The following C2CD2 variants were observed in gnomAD, a reference collection of about 807,000 sequenced individuals.
C2CD2 encodes C2 domain-containing protein 2.
A neutral mutation model predicts 74.3 loss-of-function variants in C2CD2; 43 were observed. The observed-to-expected ratio is 0.58, with a 90% CI of 0.45 to 0.75. The LOEUF (loss-of-function observed/expected upper bound fraction) is 0.75. Ranked by LOEUF, C2CD2 falls within the 30% of genes least tolerant of loss-of-function variation. C2CD2 has a pLI of 0.00. For missense variants in C2CD2, 801 were observed against 916.3 expected (o/e 0.87, Z 1.63); for synonymous variants, 422 against 390.7 (o/e 1.08, Z -0.94).
chr21:41,930,847 G>A (rs2065255883), intron 2 of C2CD2, among the ~76,000 whole-genome samples: 1 of 150,204 alleles, frequency 6.7e-6, no homozygotes, highest in East Asian at 1.9e-4. Flanking sequence ...TCTTTTTACT[G>A]ATGTGTGGAC....
At position 41,924,857 on chromosome 21, in the gene C2CD2, G is replaced by C. The variant is rs1601588148; in HGVS notation, c.379-2772C>G. Among the ~76,000 whole-genome samples, 1 of 152,228 alleles carries C rather than the reference G, an allele frequency of 6.6e-6. No individual in the cohort carries two copies. The highest frequency in any genetic ancestry group is 2.1e-4 in the South Asian group (1 of 4,816). ...AGAATTTCATTTTCTTTCGTATCCA[G>C]TTCTGCAGAAAGCTTCCCACCACGC... is the stretch of plus-strand genomic sequence containing the variant. On this transcript the variant is annotated intron_variant, in intron 2 of 13. Transcript: ENST00000380486. This position sits in a 1 kb window ranked among gnomAD's most constrained non-coding sequence, Gnocchi z 4.4.
intron 11 of C2CD2, among the ~76,000 whole-genome samples, chr21:41,905,454 AT>A (rs1480308911): frequency 3.3e-5 from 5 of 151,702 alleles, no homozygotes; most frequent in Non-Finnish European, 7.4e-5. Context: ...AGTAGCTGGG[AT>A]TACTGGCATG....
chr21:41,951,770 C>T (rs1278008971), intron 1 of C2CD2, among the ~76,000 whole-genome samples: 1 of 152,208 alleles, frequency 6.6e-6, no homozygotes, highest in African/African-American at 2.4e-5. Flanking sequence ...ATGGAAGGAT[C>T]ATATCCAAGA....
intron 1 of C2CD2, among the ~76,000 whole-genome samples, chr21:41,951,503 A>T (rs1281333922): frequency 3.3e-5 from 5 of 152,204 alleles, no homozygotes. Flanking sequence ...GCAGGAGGTC[A>T]GGAGAGACAG....
intron 1 of C2CD2, 93 bp downstream of exon 1, chr21:41,953,277 C>T: frequency 2.5e-6 from 2 of 816,134 alleles, no homozygotes; most frequent in Non-Finnish European, 3.5e-6. Flanking sequence ...TAGCCTGGGT[C>T]AGGGGCTGCA....
At position 41,893,752 on chromosome 21, in the gene C2CD2, A is replaced by C. The variant is rs1274319540; in HGVS notation, c.1871-4408T>G. Among the ~76,000 whole-genome samples, 19 of 131,092 alleles carry C rather than the reference A, an allele frequency of 1.4e-4. No homozygotes were observed. In the South Asian group the frequency reaches 4.2e-3, roughly 29 times the overall value. The allele number at this position is 131,092 out of a possible 152,430, so 86.0% of individuals were successfully genotyped here. ...AGTCTCGCTCTGTCGCCCAGGCTGG[A>C]GTGCAGTGGTGCTATCTCAGCTCAC... On this transcript the variant is annotated intron_variant, in intron 13 of 13. Coordinates refer to ENST00000380486, the MANE Select transcript of C2CD2 (RefSeq NM_015500.2).
rs1259424036 is a variant in C2CD2 at position 41,953,771 on chromosome 21, CGGAGCCCGGCGA to C, written c.-135_-124del. 38 of 943,396 alleles carry C rather than the reference CGGAGCCCGGCGA, an allele frequency of 4.0e-5. No homozygotes were observed. The East Asian group carries it at 1.3e-3, about 33-fold the overall frequency. 58.4% of individuals were successfully genotyped at this position (943,396 alleles called of 1,614,324 possible). A position where few individuals can be genotyped will look rare whatever the true frequency, so the allele number is the denominator to read the frequency against. ...GGGCGTGGAGGGGGCGCGGCGGGGT[CGGAGCCCGGCGA>C]GGAGCGTGGCCGGGGGCCTCTGGGC... On this transcript the variant is annotated 5_prime_UTR_variant, in exon 1 of 14. Transcript: ENST00000380486.
At chr21:41,921,592 C>T (rs879035602) in intron 3 of C2CD2, among the ~76,000 whole-genome samples, 67 of 152,196 alleles carry the variant, frequency 4.4e-4, no homozygotes, top group African/African-American at 1.6e-3. Context: ...GAATGCCCCA[C>T]GGCAGCCACT....
At chr21:41,927,499 C>G (rs1053468679) in intron 2 of C2CD2, among the ~76,000 whole-genome samples, 1 of 152,074 alleles carries the variant, frequency 6.6e-6, no homozygotes, top group African/African-American at 2.4e-5. Flanking sequence ...GAGACAGAGT[C>G]TCACTCTGTT....
intron 11 of C2CD2, 103 bp from the exon 12 acceptor site, chr21:41,901,852 T>C: frequency 9.2e-7 from 1 of 1,085,476 alleles, no homozygotes; most frequent in East Asian, 2.5e-5. Context: ...GGTTAGCAGA[T>C]ATTTTCTAAA....
Position 41,926,684 on chromosome 21 carries a change from G to T in C2CD2, c.379-4599C>A. 1 of 951,856 alleles carries T rather than the reference G, an allele frequency of 1.1e-6. No individual in the cohort carries two copies. The highest frequency in any genetic ancestry group is 1.3e-6 in the Non-Finnish European group (1 of 799,406). The allele number at this position is 951,856 out of a possible 1,614,324, so 59.0% of individuals were successfully genotyped here. Reference sequence around the variant, plus strand: ...ACTGTTCACCAACAAGAGAGCCCCTGAGTCTTCAGATCTCACTGTGCCCTT... The same window carrying T: ...ACTGTTCACCAACAAGAGAGCCCCTTAGTCTTCAGATCTCACTGTGCCCTT... On this transcript the variant is annotated intron_variant, in intron 2 of 13. Coordinates refer to ENST00000380486, the MANE Select transcript of C2CD2 (RefSeq NM_015500.2). The surrounding 1 kb of genome is among the most constrained non-coding windows in gnomAD (Gnocchi z 8.0).
chr21:41,888,827 T>C lies in C2CD2; in HGVS notation c.*297A>G, dbSNP rs376773156. 21 of 452,522 alleles carry C rather than the reference T, an allele frequency of 4.6e-5. 1 individual carries two copies. Among genetic ancestry groups the C allele is most frequent in the South Asian group, 2.5e-4 (10 of 39,838 alleles). 28.0% of individuals were successfully genotyped at this position (452,522 alleles called of 1,614,324 possible). ...TTAGAGCATATTATTTCACTTATAA[T>C]GTTAATCTCCTTCTAATATTGAACC... On this transcript the variant is annotated 3_prime_UTR_variant, in exon 14 of 14. Transcript: ENST00000380486.
chr21:41,946,900 G>A (rs369396826), intron 1 of C2CD2, among the ~76,000 whole-genome samples: 11 of 152,086 alleles, frequency 7.2e-5, no homozygotes, highest in Admixed American at 4.6e-4. Context: ...TAGTTATCAA[G>A]GTCATAAAAA....
chr21:41,920,471 G>A (rs1038616143), intron 3 of C2CD2, among the ~76,000 whole-genome samples: 1 of 152,162 alleles, frequency 6.6e-6, no homozygotes, highest in Non-Finnish European at 1.5e-5. Context: ...AGAGAAAAAC[G>A]ATGACTTCTA....
chr21:41,932,447 GAT>G (rs1569078209), intron 2 of C2CD2, among the ~76,000 whole-genome samples: 1 of 26,360 alleles, frequency 3.8e-5, no homozygotes, highest in Non-Finnish European at 9.8e-5. Context: ...GCCATCTACA[GAT>G]AGTCAGAAGA....
chr21:41,949,011 G>A (rs960154550), intron 1 of C2CD2, among the ~76,000 whole-genome samples: 1 of 151,362 alleles, frequency 6.6e-6, no homozygotes, highest in Non-Finnish European at 1.5e-5. Context: ...GACCCTCCTA[G>A]TCCGGGGCCT....
chr21:41,889,615 T>C (rs899327873), intron 13 of C2CD2, among the ~76,000 whole-genome samples: 1 of 148,576 alleles, frequency 6.7e-6, no homozygotes, highest in Non-Finnish European at 1.5e-5. Flanking sequence ...AAGGCCGATA[T>C]TTATATTCCT....
At chr21:41,941,994 T>C (rs1251937523) in intron 2 of C2CD2, 153 bp downstream of exon 2, 1 of 535,860 alleles carries the variant, frequency 1.9e-6, no homozygotes, top group Admixed American at 6.3e-5. Context: ...TCACACTTTC[T>C]TCATCTACCC....
intron 13 of C2CD2, among the ~76,000 whole-genome samples, chr21:41,897,707 G>C (rs879319365): frequency 6.6e-6 from 1 of 152,198 alleles, no homozygotes; most frequent in Admixed American, 6.5e-5. Flanking sequence ...TGGCAAGGAG[G>C]GGGGCATGGG....
Sources: allele counts gnomAD v4.1 joint callset (sites outside exome capture counted in the v4.1 genomes callset), GRCh38; gene constraint gnomAD v4.1.1; non-coding constraint Gnocchi (gnomAD v3.1); transcripts MANE v1.5; gene names NCBI Gene and HGNC (gene_info 2026-07-23, HGNC 2026-07-21).